The following SERPINF2 variants were observed in gnomAD, a reference collection of about 807,000 sequenced individuals.
SERPINF2 encodes alpha-2-antiplasmin.
SERPINF2 carries 15 observed loss-of-function variants against 45.0 expected under a neutral mutation model. The ratio of observed to expected loss-of-function variants is 0.33; its 90% CI spans 0.22 to 0.51. The LOEUF is 0.51. SERPINF2 is among the 20% of genes least tolerant of loss of function. The pLI is 0.97. For synonymous variants in SERPINF2, 283 were observed against 277.9 expected (o/e 1.02, Z -0.18); for missense variants, 518 against 637.4 (o/e 0.81, Z 2.02).
In SERPINF2 at chr17:1,752,735, G is replaced by A. The variant is rs146323999; in HGVS notation, c.1008G>A (p.Leu336=). The part of the protein sequence containing the change: ...LVWERPTKVR[L]PKLYLKHQMD... The stretch of plus-strand genomic sequence containing the variant: ...GGGAGAGGCCCACCAAGGTCCGGCT[G>A]CCTAAGCTGTATCTGAAACACCAAA... Residue 336 remains leucine, a synonymous_variant, in exon 9 of 10, where the codon CTG becomes CTA. Coordinates refer to ENST00000453066, the MANE Select transcript of SERPINF2 (RefSeq NM_000934.4). The A allele has an allele frequency of 1.9e-6, 3 of 1,614,066 alleles. No homozygotes were observed. The African/African-American group carries it at 4.0e-5, about 22-fold the overall frequency.
intron 9 of SERPINF2, among the ~76,000 whole-genome samples, chr17:1,753,559 G>A (rs1906573795): frequency 6.6e-6 from 1 of 152,140 alleles, no homozygotes. Flanking sequence ...GGTGGCGCAT[G>A]CCCATAATCC....
chr17:1,754,670 T>TG lies in SERPINF2; in HGVS notation c.*136_*137insG. The TG allele has an allele frequency of 2.7e-5, 9 of 337,824 alleles. No homozygotes were observed. The highest frequency in any genetic ancestry group is 6.7e-5 in the East Asian group (1 of 14,868). 20.9% of individuals were successfully genotyped at this position (337,824 alleles called of 1,614,324 possible). A position where few individuals can be genotyped will look rare whatever the true frequency, so the allele number is the denominator to read the frequency against. ...AGAGGCCATTCTTTCCCAACACCTC[T>TG]TGGGGAGTTTAGGGTGGGGGGGGGG... is the stretch of plus-strand genomic sequence containing the variant. On this transcript the variant is annotated 3_prime_UTR_variant, in exon 10 of 10. Coordinates refer to ENST00000453066, the MANE Select transcript of SERPINF2 (RefSeq NM_000934.4).
Position 1,746,000 on chromosome 17 carries a change from CA to C in SERPINF2, c.367+92del. The C allele has an allele frequency of 7.3e-7, 1 of 1,375,172 alleles. No individual in the cohort carries two copies. Among genetic ancestry groups the C allele is most frequent in the Non-Finnish European group, 1.0e-6 (1 of 965,212 alleles). 85.2% of individuals were successfully genotyped at this position (1,375,172 alleles called of 1,614,324 possible). ...GGTTCTCCGCGGGCGGTTCCTCCAC[CA>C]GGGTCACGTGGCTGTTTGGTAAAAA... On this transcript the variant is annotated intron_variant, in intron 5 of 9. Coordinates refer to ENST00000453066, the MANE Select transcript of SERPINF2 (RefSeq NM_000934.4). The surrounding 1 kb of genome is among the most constrained non-coding windows in gnomAD (Gnocchi z 6.2).
At chr17:1,747,204 G>T in intron 6 of SERPINF2, 42 bp downstream of exon 6, 4 of 1,611,120 alleles carry the variant, frequency 2.5e-6, no homozygotes, top group Non-Finnish European at 3.4e-6. Context: ...CCTGCCCTGG[G>T]TGGAGGAGGG....
intron 8 of SERPINF2, 47 bp from the exon 9 acceptor site, chr17:1,752,539 G>T: frequency 6.3e-7 from 1 of 1,585,688 alleles, no homozygotes; most frequent in Non-Finnish European, 8.7e-7. Context: ...CCCCCACTTA[G>T]CTTCGGGGCT....
chr17:1,748,259 G>A (rs1906039330), intron 7 of SERPINF2, among the ~76,000 whole-genome samples: 1 of 151,142 alleles, frequency 6.6e-6, no homozygotes, highest in Non-Finnish European at 1.5e-5. Flanking sequence ...AGCGGAGGTC[G>A]TGCCACTGCA....
Position 1,754,189 on chromosome 17 carries a change from C to A in SERPINF2, c.1131C>A (p.Gly377=). The A allele has an allele frequency of 1.2e-6, 2 of 1,612,846 alleles. No individual in the cohort carries two copies. The highest frequency in any genetic ancestry group is 1.7e-6 in the Non-Finnish European group (2 of 1,180,026). ...CCGAGCAGAGCCTGGTGGTGTCCGG[C>A]GTGCAGCATCAGTCCACCCTGGAGC... The part of the protein sequence containing the change: ...GISEQSLVVS[G]VQHQSTLELS... The change falls in exon 10 of 10, where the codon GGC becomes GGA. Residue 377 remains glycine, a synonymous_variant. Coordinates refer to ENST00000453066, the MANE Select transcript of SERPINF2 (RefSeq NM_000934.4).
chr17:1,753,373 AAC>A (rs1231435532), intron 9 of SERPINF2, among the ~76,000 whole-genome samples: 3 of 152,156 alleles, frequency 2.0e-5, no homozygotes, highest in Non-Finnish European at 4.4e-5. Flanking sequence ...TCAGCAAAAG[AAC>A]TAAGACCTTG....
chr17:1,747,693 T>C (rs1262113638), intron 7 of SERPINF2, among the ~76,000 whole-genome samples, 181 bp downstream of exon 7: 1 of 152,198 alleles, frequency 6.6e-6, no homozygotes, highest in Non-Finnish European at 1.5e-5. Flanking sequence ...GCCTCCCCAG[T>C]AGCTGGGATT....
chr17:1,754,694 G>GGGGGGGGA lies in SERPINF2; in HGVS notation c.*161_*162insGGGGGGAG. ...CTTGGGGAGTTTAGGGTGGGGGGGG[G>GGGGGGGGA]GCGCGGCTGGGAGGAGGGCAGGCAT... On this transcript the variant is annotated 3_prime_UTR_variant, in exon 10 of 10. Transcript: ENST00000453066. The GGGGGGGGA allele has an allele frequency of 2.4e-6, 1 of 412,572 alleles. No homozygotes were observed. The highest frequency in any genetic ancestry group is 4.1e-6 in the Non-Finnish European group (1 of 243,042). The allele number at this position is 412,572 out of a possible 1,614,324, so 25.6% of individuals were successfully genotyped here.
chr17:1,747,652 C>G (rs1471479322), intron 7 of SERPINF2, 140 bp downstream of exon 7: 2 of 917,468 alleles, frequency 2.2e-6, no homozygotes, highest in East Asian at 5.3e-5. Context: ...GCAACCTCCG[C>G]CTCCCGGATT....
Position 1,754,444 on chromosome 17 carries a change from C to T in SERPINF2, c.1386C>T (p.Gly462=). ...AGGACTTCCTCCAGAGCCTGAAAGGCTTCCCCCGCGGAGACAAGCTTTTCG... is the reference window on the plus strand; with the variant it reads ...AGGACTTCCTCCAGAGCCTGAAAGGTTTCCCCCGCGGAGACAAGCTTTTCG... ...GNKDFLQSLK[G]FPRGDKLFGP... The change falls in exon 10 of 10, where the codon GGC becomes GGT. Residue 462 remains glycine, a synonymous_variant. Transcript: ENST00000453066. The T allele has an allele frequency of 6.2e-7, 1 of 1,610,194 alleles. No homozygotes were observed. The highest frequency in any genetic ancestry group is 8.5e-7 in the Non-Finnish European group (1 of 1,177,378).
intron 9 of SERPINF2, 98 bp from the exon 10 acceptor site, chr17:1,754,024 G>C: frequency 7.1e-7 from 1 of 1,409,692 alleles, no homozygotes; most frequent in Non-Finnish European, 9.9e-7. Context: ...GTGAGTTCAA[G>C]CTGTTCCCTG....
At position 1,745,243 on chromosome 17, in the gene SERPINF2, G is replaced by A; in HGVS notation, c.102+30G>A. On this transcript the variant is annotated intron_variant, in intron 3 of 9. Coordinates refer to ENST00000453066, the MANE Select transcript of SERPINF2 (RefSeq NM_000934.4). This position sits in a 1 kb window ranked among gnomAD's most constrained non-coding sequence, Gnocchi z 6.2. ...TGGGGAGTGAGGAGCCTGTGATGGG[G>A]GGAAGGTCCCGGGGGTCTCACTGGT... 1 of 1,584,814 alleles carries A rather than the reference G, an allele frequency of 6.3e-7. No homozygotes were observed. Among genetic ancestry groups the A allele is most frequent in the South Asian group, 1.1e-5 (1 of 87,942 alleles).
chr17:1,754,661 CAACA>C lies in SERPINF2; in HGVS notation c.*128_*131del. 1 of 911,750 alleles carries C rather than the reference CAACA, an allele frequency of 1.1e-6. No individual in the cohort carries two copies. Among genetic ancestry groups the C allele is most frequent in the Non-Finnish European group, 1.6e-6 (1 of 632,494 alleles). 56.5% of individuals were successfully genotyped at this position (911,750 alleles called of 1,614,324 possible). A position where few individuals can be genotyped will look rare whatever the true frequency, so the allele number is the denominator to read the frequency against. ...CAGTCTGAGAGAGGCCATTCTTTCC[CAACA>C]CCTCTTGGGGAGTTTAGGGTGGGGG... is the stretch of plus-strand genomic sequence containing the variant. On this transcript the variant is annotated 3_prime_UTR_variant, in exon 10 of 10. Transcript: ENST00000453066.
Position 1,745,603 on chromosome 17 carries a change from G to A in SERPINF2, c.166-105G>A. The A allele has an allele frequency of 7.7e-7, 1 of 1,303,644 alleles. No homozygotes were observed. The highest frequency in any genetic ancestry group is 1.1e-6 in the Non-Finnish European group (1 of 921,834). 80.8% of individuals were successfully genotyped at this position (1,303,644 alleles called of 1,614,324 possible). On this transcript the variant is annotated intron_variant, in intron 4 of 9. Transcript: ENST00000453066. The surrounding 1 kb of genome is among the most constrained non-coding windows in gnomAD (Gnocchi z 6.2). ...TGACGCTCCCTCTTCCCTGGGGCTG[G>A]GACAAGGCCCTGCTGTCCTCAGGCA...
chr17:1,754,118 G>T lies in SERPINF2; in HGVS notation c.1064-4G>T. Reference sequence around the variant, plus strand: ...TCTGACCAGCCATCTCTGGCCCTGGGCAGGCCTGCAGGAGTTGTTCCAGGC... The same window carrying T: ...TCTGACCAGCCATCTCTGGCCCTGGTCAGGCCTGCAGGAGTTGTTCCAGGC... On this transcript the variant is annotated splice_polypyrimidine_tract_variant and splice_region_variant and intron_variant, in intron 9 of 9. Transcript: ENST00000453066. 6.2e-7 allele frequency: 1 copy of T among 1,603,804 alleles called. No individual in the cohort carries two copies. Among genetic ancestry groups the T allele is most frequent in the Non-Finnish European group, 8.5e-7 (1 of 1,179,986 alleles).
intron 7 of SERPINF2, 31 bp downstream of exon 7, chr17:1,747,543 C>G: frequency 6.2e-7 from 1 of 1,606,220 alleles, no homozygotes; most frequent in Non-Finnish European, 8.5e-7. Flanking sequence ...GATCCCCCAC[C>G]CTGTAGGCTG....
intron 9 of SERPINF2, 99 bp from the exon 10 acceptor site, chr17:1,754,023 A>C: frequency 7.1e-7 from 1 of 1,400,408 alleles, no homozygotes; most frequent in Non-Finnish European, 1.0e-6. Context: ...TGTGAGTTCA[A>C]GCTGTTCCCT....
Sources: gnomAD v4.1 joint callset for allele counts (sites outside exome capture counted in the v4.1 genomes callset) on GRCh38, gnomAD v4.1.1 for gene constraint, Gnocchi (gnomAD v3.1) non-coding constraint, MANE v1.5 for transcripts, NCBI Gene and HGNC (gene_info 2026-07-23, HGNC 2026-07-21) for gene names.